Variants in COG4 observed in about 807,000 individuals in gnomAD.
COG4 encodes conserved oligomeric Golgi complex subunit 4.
Under a neutral mutation model 95.1 loss-of-function variants are expected in COG4, and 65 were observed. That is an observed-to-expected ratio of 0.68 (90% CI 0.56 to 0.84). The LOEUF is 0.84. Among genes scored for constraint, COG4 ranks in the 40% least tolerant of loss-of-function variants. The pLI is 0.00. For synonymous variants in COG4, 421 were observed against 374.8 expected, an observed-to-expected ratio of 1.12 and a Z score of -1.42; for missense variants, 1,045 against 989.1, an observed-to-expected ratio of 1.06 and a Z score of -0.76.
At chr16:70,520,587 G>A (rs895540161) in intron 1 of COG4, among the ~76,000 whole-genome samples, 26 of 151,388 alleles carry the variant, frequency 1.7e-4, no homozygotes, top group African/African-American at 6.3e-4. Flanking sequence ...AGCCGAGATC[G>A]TGCCATTTCA....
Position 70,491,252 on chromosome 16 carries a change from C to T in COG4, c.1648-860G>A, listed in dbSNP as rs373766331. On this transcript the variant is annotated intron_variant, in intron 12 of 18. Transcript: ENST00000323786. ...TGATTTGGCCAGGCACGGTGGCTCA[C>T]GCCTGTAATCCCAGCACTTTGGAAG... Among the ~76,000 whole-genome samples the T allele has an allele frequency of 1.6e-4, 25 of 152,020 alleles. 1 individual carries two copies. Among genetic ancestry groups the T allele is most frequent in the African/African-American group, 4.3e-4 (18 of 41,466 alleles).
Position 70,480,805 on chromosome 16 carries a change from A to C in COG4, c.*205T>G. On this transcript the variant is annotated 3_prime_UTR_variant, in exon 19 of 19. Coordinates refer to ENST00000323786, the MANE Select transcript of COG4 (RefSeq NM_015386.3). ...TAGGAGCCCGCTTCTCTCGGTGGGGAGATGCTGCCCCCAGAGCATCACCTG... is the reference window on the plus strand; with the variant it reads ...TAGGAGCCCGCTTCTCTCGGTGGGGCGATGCTGCCCCCAGAGCATCACCTG... 1 of 547,892 alleles carries C rather than the reference A, an allele frequency of 1.8e-6. No individual in the cohort carries two copies. The allele number at this position is 547,892 out of a possible 1,614,324, so 33.9% of individuals were successfully genotyped here. A position where few individuals can be genotyped will look rare whatever the true frequency, so the allele number is the denominator to read the frequency against.
At chr16:70,516,586 G>A (rs577286261) in intron 3 of COG4, among the ~76,000 whole-genome samples, 91 of 152,120 alleles carry the variant, frequency 6.0e-4, no homozygotes, top group Middle Eastern at 3.4e-3. Context: ...GTGAGCCACC[G>A]CGCCCAGCCT....
intron 13 of COG4, among the ~76,000 whole-genome samples, chr16:70,485,578 G>GT (rs1186859804): frequency 5.2e-4 from 71 of 137,608 alleles, no homozygotes; most frequent in Middle Eastern, 3.9e-3. Context: ...CAAAAATCCT[G>GT]TTTTTTTTGT....
In COG4 at chr16:70,519,725, C is replaced by G. The variant is rs753457941; in HGVS notation, c.178G>C (p.Val60Leu). 1 of 1,612,866 alleles carries G rather than the reference C, an allele frequency of 6.2e-7. No individual in the cohort carries two copies. The highest frequency in any genetic ancestry group is 8.5e-7 in the Non-Finnish European group (1 of 1,179,004). The change falls in exon 2 of 19, where the codon GTG (valine) becomes CTG (leucine). Residue 60 changes from valine to leucine, a missense_variant. By Grantham distance (32) the Val-to-Leu change is conservative. Transcript: ENST00000323786. ...YERLCGEEKV[V>L]ERELDALLEQ... ...AAAAGAGCATCCAGCTCTCTCTCCA[C>G]CACTTTCTGAAACACAGAGAAACAT... is the stretch of plus-strand genomic sequence containing the variant.
chr16:70,494,753 C>A (rs1031527265), intron 12 of COG4, among the ~76,000 whole-genome samples: 2 of 152,146 alleles, frequency 1.3e-5, no homozygotes, highest in African/African-American at 4.8e-5. Context: ...TAAAAAAAAT[C>A]ACAAACAAAA....
chr16:70,508,527 G>C, intron 7 of COG4, 63 bp from the exon 8 acceptor site: 1 of 1,429,192 alleles, frequency 7.0e-7, no homozygotes, highest in Non-Finnish European at 9.9e-7. Flanking sequence ...GCCTCTTGCT[G>C]GTCACTCCAA....
intron 10 of COG4, 149 bp from the exon 11 acceptor site, chr16:70,497,536 A>G: frequency 1.3e-6 from 1 of 790,102 alleles, no homozygotes; most frequent in South Asian, 1.4e-5. Context: ...TTGTCAAAAT[A>G]GCTTACTTCC....
rs147508980 is a variant in COG4, at chr16:70,496,389, G to A, written c.1524C>T (p.Thr508=). ...CNKLRMGFPA[T]TFQDIQRGVT... The stretch of plus-strand genomic sequence containing the variant: ...CCCCGCGCTGGATGTCCTGGAAGGT[G>A]GTGGCAGGAAAGCCCATCCGCAGCT... Residue 508 remains threonine (T), a synonymous_variant, in exon 12 of 19, where the codon ACC becomes ACT. Coordinates refer to ENST00000323786, the MANE Select transcript of COG4 (RefSeq NM_015386.3). The A allele has an allele frequency of 8.1e-6, 13 of 1,614,030 alleles. No individual in the cohort carries two copies. The highest frequency in any genetic ancestry group is 1.1e-5 in the Non-Finnish European group (13 of 1,180,026).
chr16:70,504,804 G>C (rs867947975), intron 8 of COG4, among the ~76,000 whole-genome samples: 3 of 151,338 alleles, frequency 2.0e-5, no homozygotes, highest in Middle Eastern at 6.9e-3. Flanking sequence ...CCAGCTACTT[G>C]GGAGGTTGAG....
In COG4 at chr16:70,508,475, C is replaced by T. The variant is rs759107680; in HGVS notation, c.1003-11G>A. ...CTGAACATGCCGGAACTGCAACATA[C>T]CACAGGAATGAGAATATTCTTCCCC... is the stretch of plus-strand genomic sequence containing the variant. On this transcript the variant is annotated splice_polypyrimidine_tract_variant and intron_variant, in intron 7 of 18. Coordinates refer to ENST00000323786, the MANE Select transcript of COG4 (RefSeq NM_015386.3). The T allele has an allele frequency of 6.2e-6, 10 of 1,613,090 alleles. No homozygotes were observed. The highest frequency in any genetic ancestry group is 1.7e-4 in the Middle Eastern group (1 of 6,060).
At chr16:70,482,518 T>G in intron 15 of COG4, 1 of 631,196 alleles carries the variant, frequency 1.6e-6, no homozygotes, top group Non-Finnish European at 2.8e-6. Context: ...AGGGAATAAG[T>G]TAGGTCAAGG....
At chr16:70,501,128 G>A in intron 8 of COG4, 37 bp from the exon 9 acceptor site, 1 of 1,607,368 alleles carries the variant, frequency 6.2e-7, no homozygotes, top group Non-Finnish European at 8.5e-7. Context: ...GGACGACAAT[G>A]GATTACCTTA....
intron 9 of COG4, among the ~76,000 whole-genome samples, chr16:70,499,756 T>C (rs2049409888): frequency 6.6e-6 from 1 of 151,952 alleles, no homozygotes. Context: ...GCCTCCCGGG[T>C]TCACGCCATT....
chr16:70,482,706 T>TG, intron 15 of COG4, 23 bp downstream of exon 15: 2 of 1,604,022 alleles, frequency 1.2e-6, no homozygotes, highest in Non-Finnish European at 1.7e-6. Context: ...CGGGGCTTGA[T>TG]GGCTGCCTGT....
At chr16:70,505,521 C>T (rs1490753312) in intron 8 of COG4, among the ~76,000 whole-genome samples, 1 of 150,058 alleles carries the variant, frequency 6.7e-6, no homozygotes, top group Non-Finnish European at 1.5e-5. Flanking sequence ...CTAAGAAGCA[C>T]ATGTTATTTT....
At chr16:70,488,704 C>T (rs575609868) in intron 13 of COG4, among the ~76,000 whole-genome samples, 1 of 152,158 alleles carries the variant, frequency 6.6e-6, no homozygotes, top group Non-Finnish European at 1.5e-5. Flanking sequence ...CATGCCACCA[C>T]ACCCAGCTAA....
intron 11 of COG4, among the ~76,000 whole-genome samples, chr16:70,496,879 GGTT>G (rs1418077178): frequency 2.0e-5 from 3 of 152,278 alleles, no homozygotes; most frequent in South Asian, 4.1e-4. Context: ...TACTTCATAG[GGTT>G]GTTATTAGGA....
chr16:70,513,431 G>A (rs1458490312), intron 4 of COG4, among the ~76,000 whole-genome samples: 1 of 152,188 alleles, frequency 6.6e-6, no homozygotes, highest in Non-Finnish European at 1.5e-5. Context: ...CTTCTTATCT[G>A]TAGGGGATCC....
Sources: gnomAD v4.1 joint callset for allele counts (sites outside exome capture counted in the v4.1 genomes callset) on GRCh38, gnomAD v4.1.1 for gene constraint, MANE v1.5 for transcripts, NCBI Gene and HGNC (gene_info 2026-07-23, HGNC 2026-07-21) for gene names.